ATP10B: variants seen among roughly 807,000 people sequenced by gnomAD.
The protein encoded by ATP10B is ATPase phospholipid transporting 10B (putative), also known as phospholipid-transporting ATPase VB.
A neutral mutation model predicts 141.2 loss-of-function variants in ATP10B; 122 were observed. The observed-to-expected ratio is 0.86, with a 90% CI of 0.75 to 1.00. The LOEUF (loss-of-function observed/expected upper bound fraction) is 1.00. ATP10B is among the 50% of genes least tolerant of loss of function. The probability of loss-of-function intolerance (pLI) is 0.00; values close to 1 mark genes in which losing one functional copy is unlikely to be tolerated. For synonymous variants in ATP10B, 685 were observed against 692.0 expected, an observed-to-expected ratio of 0.99 and a Z score of 0.16; for missense variants, 1,876 against 1,825.3, an observed-to-expected ratio of 1.03 and a Z score of -0.51.
chr5:160,823,622 C>T (rs961455590), intron 1 of ATP10B, among the ~76,000 whole-genome samples: 9 of 152,142 alleles, frequency 5.9e-5, no homozygotes, highest in African/African-American at 1.9e-4. Flanking sequence ...TTTGGGAGGC[C>T]GAGGTGGGCA....
intron 1 of ATP10B, among the ~76,000 whole-genome samples, chr5:160,846,585 T>C (rs887571378): frequency 4.6e-5 from 7 of 151,412 alleles, no homozygotes; most frequent in African/African-American, 1.7e-4. Flanking sequence ...ATAAAATCAA[T>C]ATTATGATTG....
intron 7 of ATP10B, among the ~76,000 whole-genome samples, chr5:160,668,427 C>T (rs1315716316): frequency 6.6e-6 from 1 of 152,136 alleles, no homozygotes; most frequent in Non-Finnish European, 1.5e-5. Flanking sequence ...GACTTGAAAG[C>T]CTCTGGTCGA....
chr5:160,754,977 G>A (rs1768421361), intron 2 of ATP10B, among the ~76,000 whole-genome samples: 1 of 152,182 alleles, frequency 6.6e-6, no homozygotes, highest in Admixed American at 6.5e-5. Flanking sequence ...TACATTCTGA[G>A]AAATGCTGTA....
intron 24 of ATP10B, among the ~76,000 whole-genome samples, chr5:160,570,571 T>C (rs151051028): frequency 6.6e-5 from 10 of 152,320 alleles, no homozygotes; most frequent in Non-Finnish European, 8.8e-5. Context: ...TTAGAGCACT[T>C]TAACTCTCTT....
Position 160,598,988 on chromosome 5 carries a change from G to A in ATP10B, c.3364-18C>T, listed in dbSNP as rs772794149. 1.2e-6 allele frequency: 2 copies of A among 1,612,408 alleles called. No homozygotes were observed. Among genetic ancestry groups the A allele is most frequent in the Non-Finnish European group, 1.7e-6 (2 of 1,179,052 alleles). ...ACGTAGCACTGCAGGCAGAGAGCAT[G>A]GCCTTGTGAGTGGGGCTCCATGTGC... On this transcript the variant is annotated intron_variant, in intron 21 of 25. Coordinates refer to ENST00000327245, the MANE Select transcript of ATP10B (RefSeq NM_025153.3).
chr5:160,584,395 G>A (rs1433047218), intron 24 of ATP10B, among the ~76,000 whole-genome samples: 1 of 152,118 alleles, frequency 6.6e-6, no homozygotes, highest in Admixed American at 6.6e-5. Context: ...AGATGAGCTG[G>A]GTACCTCAGT....
intron 7 of ATP10B, among the ~76,000 whole-genome samples, chr5:160,662,777 A>G (rs113050153): frequency 0.021 from 3,207 of 152,330 alleles, 116 homozygotes; most frequent in African/African-American, 0.07. Flanking sequence ...AATGGCAACA[A>G]AAGCCAAAAT....
intron 1 of ATP10B, among the ~76,000 whole-genome samples, chr5:160,820,436 C>T (rs187859064): frequency 6.6e-6 from 1 of 152,162 alleles, no homozygotes; most frequent in Non-Finnish European, 1.5e-5. Context: ...GACCTCATGG[C>T]TTCACTGCTG....
At chr5:160,619,385 A>G (rs1758194528) in intron 15 of ATP10B, among the ~76,000 whole-genome samples, 1 of 152,232 alleles carries the variant, frequency 6.6e-6, no homozygotes, top group African/African-American at 2.4e-5. Flanking sequence ...AGGAGCAAAT[A>G]AAGAGACATC....
chr5:160,924,425 GAACT>G, the ATP10B span, among the ~76,000 whole-genome samples: 2 of 152,160 alleles, frequency 1.3e-5, no homozygotes, highest in African/African-American at 2.4e-5. Context: ...AGAATTACAT[GAACT>G]AATTAAGTAA....
At chr5:160,872,517 G>A in the ATP10B span, among the ~76,000 whole-genome samples, 6 of 152,184 alleles carry the variant, frequency 3.9e-5, no homozygotes, top group Non-Finnish European at 8.8e-5. Context: ...TCAGGTCTTA[G>A]ATTTGAGTCC....
At chr5:160,667,228 C>CA (rs1224259133) in intron 7 of ATP10B, among the ~76,000 whole-genome samples, 1 of 151,864 alleles carries the variant, frequency 6.6e-6, no homozygotes, top group Non-Finnish European at 1.5e-5. Flanking sequence ...AAAACAAAAA[C>CA]AAAAAACAAA....
chr5:160,856,519 CACTG>C (rs1754002630), upstream of ATP10B, among the ~76,000 whole-genome samples: 1 of 151,692 alleles, frequency 6.6e-6, no homozygotes, highest in East Asian at 1.9e-4. Flanking sequence ...TTATTGCACT[CACTG>C]AAACTTTTAA....
At chr5:160,884,467 TTTC>T in the ATP10B span, among the ~76,000 whole-genome samples, 10 of 152,176 alleles carry the variant, frequency 6.6e-5, no homozygotes, top group Non-Finnish European at 1.5e-4. Context: ...AGTGATAATT[TTTC>T]TTTTTAAGTT....
the ATP10B span, among the ~76,000 whole-genome samples, chr5:160,902,476 T>C: frequency 4.7e-5 from 7 of 149,752 alleles, no homozygotes; most frequent in East Asian, 1.4e-3. Context: ...GGCAAATGTA[T>C]AGGTGAGACC....
In ATP10B at chr5:160,636,277, G is replaced by A. The variant is rs755238165; in HGVS notation, c.1033C>T (p.His345Tyr). ...GCATCTGGCACATCGAAGGGAGGGT[G>A]TTCTTCAAAGGTCCCATTCCAGATG... Reference protein sequence around the residue: ...HSIWNGTFEEHPPFDVPDANG... With the variant: ...HSIWNGTFEEYPPFDVPDANG... Residue 345 changes from histidine (H) to tyrosine (Y), a missense_variant, in exon 11 of 26, where the codon CAC becomes TAC. By Grantham distance (83) the His-to-Tyr change is moderately conservative. Coordinates refer to ENST00000327245, the MANE Select transcript of ATP10B (RefSeq NM_025153.3). 5 of 1,613,324 alleles carry A rather than the reference G, an allele frequency of 3.1e-6. No individual in the cohort carries two copies. The highest frequency in any genetic ancestry group is 4.2e-6 in the Non-Finnish European group (5 of 1,179,670).
chr5:160,806,945 T>C (rs1028545513), intron 1 of ATP10B, among the ~76,000 whole-genome samples: 7 of 151,850 alleles, frequency 4.6e-5, no homozygotes, highest in African/African-American at 1.7e-4. Context: ...ATGTAGGAGG[T>C]CAACAGAGTG....
intron 6 of ATP10B, among the ~76,000 whole-genome samples, chr5:160,678,362 TA>T (rs573106327): frequency 2.0e-5 from 3 of 150,768 alleles, no homozygotes; most frequent in Admixed American, 6.6e-5. Context: ...GATTGGAAAT[TA>T]AAAAAAAAAT....
intron 8 of ATP10B, among the ~76,000 whole-genome samples, chr5:160,648,795 A>G (rs1161490653): frequency 6.6e-6 from 1 of 152,128 alleles, no homozygotes; most frequent in Non-Finnish European, 1.5e-5. Flanking sequence ...TCAAACCCAG[A>G]TCTGTCCAAT....
Sources: gnomAD v4.1 joint callset for allele counts (sites outside exome capture counted in the v4.1 genomes callset) on GRCh38, gnomAD v4.1.1 for gene constraint, MANE v1.5 for transcripts, NCBI Gene and HGNC (gene_info 2026-07-23, HGNC 2026-07-21) for gene names.